The following DNHD1 variants were observed in gnomAD, a reference collection of about 807,000 sequenced individuals.
The protein encoded by DNHD1 is dynein heavy chain domain-containing protein 1.
DNHD1 carries 383 observed loss-of-function variants against 458.1 expected under a neutral mutation model. The ratio of observed to expected loss-of-function variants is 0.84; its 90% confidence interval spans 0.77 to 0.91. DNHD1 has a LOEUF of 0.91. Ranked by LOEUF, DNHD1 falls within the 40% of genes least tolerant of loss-of-function variation. The probability of loss-of-function intolerance (pLI) is 0.00; values close to 1 mark genes in which losing one functional copy is unlikely to be tolerated. For missense variants in DNHD1, 5,336 were observed against 5,866.1 expected, an observed-to-expected ratio of 0.91 and a Z score of 2.95; for synonymous variants, 2,203 against 2,376.9, an observed-to-expected ratio of 0.93 and a Z score of 2.13.
Position 6,547,095 on chromosome 11 carries a change from T to C in DNHD1, c.6156T>C (p.His2052=), listed in dbSNP as rs994872065. Residue 2052 remains histidine, a synonymous_variant, in exon 21 of 43, where the codon CAT becomes CAC. Transcript: ENST00000254579. ...LGWLEGSCWH[H]GIFPKVLRAA... Reference sequence around the variant, plus strand: ...GGCTAGAGGGCTCCTGCTGGCATCATGGCATCTTTCCCAAGGTACTTCGTG... The same window carrying C: ...GGCTAGAGGGCTCCTGCTGGCATCACGGCATCTTTCCCAAGGTACTTCGTG... 7 of 1,551,598 alleles carry C rather than the reference T, an allele frequency of 4.5e-6. No individual in the cohort carries two copies. The highest frequency in any genetic ancestry group is 6.1e-6 in the Non-Finnish European group (7 of 1,146,990).
At position 6,566,393 on chromosome 11, in the gene DNHD1, G is replaced by T. The variant is rs1227271077; in HGVS notation, c.11206G>T (p.Val3736Leu). Residue 3736 changes from valine (V) to leucine (L), a missense_variant and splice_region_variant, in exon 34 of 43, where the codon GTG becomes TTG. Transcript: ENST00000254579. Reference sequence around the variant, plus strand: ...CCTCTCCCTCTGTGCCATGGAAAAAGGTGAGGCCCAGAGGGCAAATTGCCA... The same window carrying T: ...CCTCTCCCTCTGTGCCATGGAAAAATGTGAGGCCCAGAGGGCAAATTGCCA... ...TTLSLCAMEK[V>L]LGCELLKGLN... 1.3e-6 allele frequency: 2 copies of T among 1,559,176 alleles called. No individual in the cohort carries two copies. Among genetic ancestry groups the T allele is most frequent in the Admixed American group, 3.8e-5 (2 of 51,992 alleles).
rs1463236469 is a variant in DNHD1, at chr11:6,508,952, C to G, written c.993C>G (p.Ile331Met). Residue 331 changes from isoleucine to methionine, a missense_variant, in exon 5 of 43, where the codon ATC (isoleucine) becomes ATG (methionine). Physicochemically the swap from Ile to Met is conservative, Grantham distance 10. Around this residue, in one of 4 missense-constraint regions of DNHD1, gnomAD observed 3,932 missense variants for 4,365.6 expected, o/e 0.90. Transcript: ENST00000254579. ...PEHYIFSPFG[I>M]LHVHPVEGSE... ...ACTACATCTTCTCTCCCTTTGGGAT[C>G]TTGCATGTACATCCTGTGGAAGGTA... The G allele has an allele frequency of 1.2e-6, 2 of 1,614,206 alleles. No homozygotes were observed.
In DNHD1 at chr11:6,505,441, C is replaced by T. The variant is rs1232374952; in HGVS notation, c.920+2515C>T. On this transcript the variant is annotated intron_variant, in intron 4 of 42. Transcript: ENST00000254579. The surrounding 1 kb of genome is among the most constrained non-coding windows in gnomAD (Gnocchi z 4.4). ...CTAATTTTTGTATTTTTATTAGAGA[C>T]GGGGTTTTGCCACATTGGCCAAGCT... is the stretch of plus-strand genomic sequence containing the variant. Among the ~76,000 whole-genome samples the T allele has an allele frequency of 2.7e-5, 4 of 150,942 alleles. No individual in the cohort carries two copies. The highest frequency in any genetic ancestry group is 7.3e-5 in the African/African-American group (3 of 41,002).
rs372190306 is a variant in DNHD1, at chr11:6,533,067, C to T, written c.2388C>T (p.His796=). ...GCATAAGGAAGGACATTCTTGCACACGTGCAAAATGAGTGCTGGAACCTCA... is the reference window on the plus strand; with the variant it reads ...GCATAAGGAAGGACATTCTTGCACATGTGCAAAATGAGTGCTGGAACCTCA... ...LNSIRKDILA[H]VQNECWNLSQ... is the part of the protein sequence containing the mutation. Residue 796 remains histidine, a synonymous_variant, in exon 13 of 43, where the codon CAC becomes CAT. Coordinates refer to ENST00000254579, the MANE Select transcript of DNHD1 (RefSeq NM_144666.3). 36 of 1,551,506 alleles carry T rather than the reference C, an allele frequency of 2.3e-5. No homozygotes were observed. The highest frequency in any genetic ancestry group is 1.2e-4 in the Admixed American group (6 of 50,992).
intron 12 of DNHD1, among the ~76,000 whole-genome samples, chr11:6,529,874 G>T (rs1015842456): frequency 3.3e-5 from 5 of 152,150 alleles, no homozygotes; most frequent in Non-Finnish European, 7.3e-5. Flanking sequence ...ACCTGTCCTT[G>T]TCTTAACATT....
intron 39 of DNHD1, among the ~76,000 whole-genome samples, chr11:6,569,470 G>A (rs1250402150): frequency 1.3e-5 from 2 of 151,932 alleles, no homozygotes; most frequent in Admixed American, 6.6e-5. Flanking sequence ...GTGACAGTGC[G>A]AGACTCTGTC....
At chr11:6,563,616 CT>C in intron 30 of DNHD1, 52 bp downstream of exon 30, 3 of 1,546,822 alleles carry the variant, frequency 1.9e-6, no homozygotes, top group Non-Finnish European at 2.6e-6. Context: ...TAAAGGGACA[CT>C]TGGCAAGGCT....
In DNHD1 at chr11:6,564,516, C is replaced by A; in HGVS notation, c.10468C>A (p.Gln3490Lys). ...TGTGGCACAGGCACTGAAGCGGAAG[C>A]AAAAATCTGTCAGCATACCACCAAA... Reference protein sequence around the residue: ...DDVAQALKRKQKSVSIPPKNP... With the variant: ...DDVAQALKRKKKSVSIPPKNP... The change falls in exon 32 of 43, where the codon CAA (glutamine) becomes AAA (lysine). Residue 3490 changes from glutamine (Q) to lysine (K), a missense_variant. By Grantham distance (53) the Gln-to-Lys change is moderately conservative (BLOSUM62 1). Coordinates refer to ENST00000254579, the MANE Select transcript of DNHD1 (RefSeq NM_144666.3). 1.3e-6 allele frequency: 2 copies of A among 1,551,680 alleles called. No homozygotes were observed. Among genetic ancestry groups the A allele is most frequent in the Non-Finnish European group, 1.7e-6 (2 of 1,146,984 alleles).
At chr11:6,524,380 C>T (rs1361454487) in intron 10 of DNHD1, among the ~76,000 whole-genome samples, 1 of 152,218 alleles carries the variant, frequency 6.6e-6, no homozygotes, top group Non-Finnish European at 1.5e-5. Context: ...CTCTGTGTAT[C>T]TTTCCAGTTC....
chr11:6,568,246 A>C lies in DNHD1; in HGVS notation c.12538+4A>C. On this transcript the variant is annotated splice_donor_region_variant and intron_variant, in intron 37 of 42. Coordinates refer to ENST00000254579, the MANE Select transcript of DNHD1 (RefSeq NM_144666.3). ...GAACTGTTAGGCAGAGCCAAGGGTG[A>C]GTTTATTGCCTAGATTGGCTTCCAG... 1 of 1,546,308 alleles carries C rather than the reference A, an allele frequency of 6.5e-7. No homozygotes were observed.
chr11:6,503,505 G>C (rs1362192884), intron 4 of DNHD1: 1 of 152,180 alleles, frequency 6.6e-6, no homozygotes, highest in Non-Finnish European at 1.5e-5. Context: ...TTATTTTGAA[G>C]CAAGGGCTCA....
In DNHD1 at chr11:6,556,985, G is replaced by A. The variant is rs1269882813; in HGVS notation, c.7690G>A (p.Val2564Ile). Reference sequence around the variant, plus strand: ...GGAGCGTGCTCTGGCACGAGGTCTGGTTAGGGCCTCAGTAGAGGCCTGGGA... The same window carrying A: ...GGAGCGTGCTCTGGCACGAGGTCTGATTAGGGCCTCAGTAGAGGCCTGGGA... ...ERERALARGLVRASVEAWEAV... is the reference protein window; with the variant it reads ...ERERALARGLIRASVEAWEAV... Residue 2564 changes from valine to isoleucine, a missense_variant, in exon 25 of 43, where the codon GTT becomes ATT. Val to Ile is a conservative substitution (Grantham distance 29). This residue lies in a region of DNHD1 where 3,932 missense variants were observed against 4,365.6 expected (regional missense o/e 0.90). Transcript: ENST00000254579. The A allele has an allele frequency of 6.4e-7, 1 of 1,551,626 alleles. No homozygotes were observed. Among genetic ancestry groups the A allele is most frequent in the African/African-American group, 1.4e-5 (1 of 73,060 alleles).
Position 6,508,981 on chromosome 11 carries a change from A to C in DNHD1, c.1022A>C (p.Glu341Ala), listed in dbSNP as rs1003351058. 7 of 1,614,090 alleles carry C rather than the reference A, an allele frequency of 4.3e-6. No individual in the cohort carries two copies. The highest frequency in any genetic ancestry group is 1.7e-5 in the Admixed American group (1 of 60,006). ...ILHVHPVEGS[E>A]TMTLGTWHHH... ...CATGTACATCCTGTGGAAGGTAGCG[A>C]GACGATGACACTGGGTACCTGGCAC... The change falls in exon 5 of 43, where the codon GAG becomes GCG. Residue 341 changes from glutamate to alanine, a missense_variant. Glu to Ala is a moderately radical substitution (Grantham distance 107). Coordinates refer to ENST00000254579, the MANE Select transcript of DNHD1 (RefSeq NM_144666.3).
chr11:6,542,782 A>G (rs573509524), intron 18 of DNHD1, among the ~76,000 whole-genome samples: 5 of 152,312 alleles, frequency 3.3e-5, no homozygotes, highest in African/African-American at 1.2e-4. Flanking sequence ...TTCTTAACCA[A>G]ATGAGGACAA....
intron 12 of DNHD1, among the ~76,000 whole-genome samples, chr11:6,531,585 T>G (rs1208572021): frequency 6.6e-6 from 1 of 152,188 alleles, no homozygotes; most frequent in African/African-American, 2.4e-5. Flanking sequence ...CTAGTTACTG[T>G]TATGTTCCAA....
At chr11:6,503,092 C>T in intron 4 of DNHD1, 166 bp downstream of exon 4, 2 of 688,268 alleles carry the variant, frequency 2.9e-6, no homozygotes, top group South Asian at 4.7e-5. Context: ...TCAGCCTCCT[C>T]CTCCTTTCCA....
intron 18 of DNHD1, among the ~76,000 whole-genome samples, chr11:6,541,798 A>C (rs150598498): frequency 1.3e-5 from 2 of 152,330 alleles, no homozygotes; most frequent in East Asian, 3.9e-4. Flanking sequence ...ATGGAAATTG[A>C]AAGATCAGTT....
chr11:6,563,171 T>C, intron 29 of DNHD1, 40 bp downstream of exon 29: 1 of 1,551,408 alleles, frequency 6.4e-7, no homozygotes. Flanking sequence ...TGCTCCTCTC[T>C]CAAAAGAGGG....
rs1274870800 is a variant in DNHD1 at position 6,546,251 on chromosome 11, C to T, written c.5312C>T (p.Ser1771Phe). The change falls in exon 21 of 43, where the codon TCC (serine) becomes TTC (phenylalanine). Residue 1771 changes from serine (S) to phenylalanine (F), a missense_variant. By Grantham distance (155) the Ser-to-Phe change is radical. Coordinates refer to ENST00000254579, the MANE Select transcript of DNHD1 (RefSeq NM_144666.3). ...TATGCCCCACTGTACCAGGAGGCTTCCCGAAACACAAGCACCATAGACCCC... is the reference window on the plus strand; with the variant it reads ...TATGCCCCACTGTACCAGGAGGCTTTCCGAAACACAAGCACCATAGACCCC... Reference protein sequence around the residue: ...HLYAPLYQEASRNTSTIDPTQ... With the variant: ...HLYAPLYQEAFRNTSTIDPTQ... 7 of 1,552,250 alleles carry T rather than the reference C, an allele frequency of 4.5e-6. No individual in the cohort carries two copies. The highest frequency in any genetic ancestry group is 6.1e-6 in the Non-Finnish European group (7 of 1,147,112).
Sources: gnomAD v4.1 joint callset for allele counts (sites outside exome capture counted in the v4.1 genomes callset) on GRCh38, gnomAD v4.1.1 for gene constraint, gnomAD v4.1.1 regional missense constraint, Gnocchi (gnomAD v3.1) non-coding constraint, MANE v1.5 for transcripts, NCBI Gene and HGNC (gene_info 2026-07-23, HGNC 2026-07-21) for gene names.